SUPT3H: variants seen among roughly 807,000 people sequenced by gnomAD.
The protein encoded by SUPT3H is transcription initiation protein SPT3 homolog.
A neutral mutation model predicts 44.3 loss-of-function variants in SUPT3H; 44 were observed. The observed-to-expected ratio is 0.99, with a 90% CI of 0.78 to 1.28. The LOEUF (loss-of-function observed/expected upper bound fraction) is 1.28, where lower values mean the gene tolerates loss of function less well. Ranked by LOEUF, SUPT3H falls within the 50% of genes most tolerant of loss-of-function variation. The probability of loss-of-function intolerance (pLI) is 0.00; values close to 1 mark genes in which losing one functional copy is unlikely to be tolerated. For synonymous variants in SUPT3H, 124 were observed against 125.6 expected, an observed-to-expected ratio of 0.99 and a Z score of 0.09; for missense variants, 380 against 387.1, an observed-to-expected ratio of 0.98 and a Z score of 0.15.
chr6:45,290,455 T>TTTA (rs67882992), intron 2 of SUPT3H, among the ~76,000 whole-genome samples: 1 of 85,946 alleles, frequency 1.2e-5, no homozygotes, highest in Non-Finnish European at 2.2e-5. Context: ...GCATGGATGA[T>TTTA]CAAAAAAAAA....
At chr6:45,118,959 G>A (rs1325016780) in intron 2 of SUPT3H, among the ~76,000 whole-genome samples, 1 of 152,144 alleles carries the variant, frequency 6.6e-6, no homozygotes, top group Non-Finnish European at 1.5e-5. Context: ...TAATCTGCTG[G>A]AAAATTAGAG....
At chr6:44,928,617 C>T (rs1769912879) in intron 10 of SUPT3H, among the ~76,000 whole-genome samples, 1 of 151,990 alleles carries the variant, frequency 6.6e-6, no homozygotes, top group East Asian at 1.9e-4. Flanking sequence ...AAACAAGGGC[C>T]GGGCGCGGTG....
rs541453322 is a variant in SUPT3H at position 45,156,567 on chromosome 6, ATAAT to A, written c.102-50565_102-50562del. ...ATATATTTTCTGTTCTAATACTAAT[ATAAT>A]TAATATAATTTCAATAAATTTCTGG... On this transcript the variant is annotated intron_variant, in intron 2 of 10. Transcript: ENST00000371459. 6.2e-3 allele frequency among the ~76,000 whole-genome samples: 940 copies of A among 151,434 alleles called. 14 individuals are homozygous for A. The highest frequency in any genetic ancestry group is 0.021 in the African/African-American group (877 of 41,456).
At chr6:44,896,427 A>G (rs1764143395) in intron 10 of SUPT3H, among the ~76,000 whole-genome samples, 1 of 152,184 alleles carries the variant, frequency 6.6e-6, no homozygotes, top group Non-Finnish European at 1.5e-5. Flanking sequence ...TATTGGTCAC[A>G]TTTTCTACAT....
intron 2 of SUPT3H, among the ~76,000 whole-genome samples, chr6:45,251,555 A>T (rs1412705832): frequency 1.3e-5 from 2 of 152,162 alleles, no homozygotes; most frequent in Non-Finnish European, 2.9e-5. Context: ...TAGTCACAGA[A>T]TTCTTAAGTC....
At chr6:44,933,485 C>G (rs1398195790) in intron 9 of SUPT3H, among the ~76,000 whole-genome samples, 1 of 152,064 alleles carries the variant, frequency 6.6e-6, no homozygotes, top group African/African-American at 2.4e-5. Flanking sequence ...GGGTTTAGCC[C>G]TACAAGTTAC....
chr6:45,213,793 A>G (rs1248854970), intron 2 of SUPT3H, among the ~76,000 whole-genome samples: 1 of 152,070 alleles, frequency 6.6e-6, no homozygotes, highest in Non-Finnish European at 1.5e-5. Context: ...AAATTATTCC[A>G]AATTTTGAAT....
In SUPT3H at chr6:45,128,539, T is replaced by C. The variant is rs1407687091; in HGVS notation, c.102-22533A>G. ...AAAAAAAAAAAAAAAAAAAAATATATATATATATATATATATATACACACA... is the reference window on the plus strand; with the variant it reads ...AAAAAAAAAAAAAAAAAAAAATATACATATATATATATATATATACACACA... On this transcript the variant is annotated intron_variant, in intron 2 of 10. Coordinates refer to ENST00000371459, the MANE Select transcript of SUPT3H (RefSeq NM_003599.4). Among the ~76,000 whole-genome samples the C allele has an allele frequency of 5.8e-3, 265 of 45,382 alleles. 3 individuals are homozygous for C. Among genetic ancestry groups the C allele is most frequent in the African/African-American group, 0.03 (253 of 8,516 alleles). The allele number at this position is 45,382 out of a possible 152,430, so 29.8% of individuals were successfully genotyped here.
chr6:45,097,799 G>T (rs929281256), intron 3 of SUPT3H: 2 of 152,172 alleles, frequency 1.3e-5, no homozygotes. Flanking sequence ...GTCTGCCCTT[G>T]TATCTTCTTC....
intron 2 of SUPT3H, among the ~76,000 whole-genome samples, chr6:45,356,509 T>C (rs1333232746): frequency 1.3e-5 from 2 of 152,058 alleles, no homozygotes; most frequent in Non-Finnish European, 2.9e-5. Context: ...GCAATTCTCC[T>C]GCCTCAGCCT....
intron 2 of SUPT3H, among the ~76,000 whole-genome samples, chr6:45,287,893 T>C (rs1449148776): frequency 2.0e-5 from 3 of 152,232 alleles, no homozygotes; most frequent in African/African-American, 7.2e-5. Flanking sequence ...CCACACTTAG[T>C]TCTTCGTGTT....
At chr6:45,027,190 C>A (rs1480677921) in intron 3 of SUPT3H, among the ~76,000 whole-genome samples, 1 of 151,844 alleles carries the variant, frequency 6.6e-6, no homozygotes, top group Non-Finnish European at 1.5e-5. Context: ...AGGGTTCTGC[C>A]ACGTTGACCA....
chr6:45,188,628 T>C (rs1814638968), intron 2 of SUPT3H, among the ~76,000 whole-genome samples: 1 of 152,180 alleles, frequency 6.6e-6, no homozygotes. Flanking sequence ...GTTACAACAT[T>C]TGTAAATCAA....
At chr6:44,837,560 G>A (rs1423380076) in intron 10 of SUPT3H, among the ~76,000 whole-genome samples, 1 of 152,174 alleles carries the variant, frequency 6.6e-6, no homozygotes, top group Non-Finnish European at 1.5e-5. Context: ...GACCTTGATA[G>A]CCCAACCACT....
At chr6:44,912,713 A>C (rs972290008) in intron 10 of SUPT3H, among the ~76,000 whole-genome samples, 8 of 152,186 alleles carry the variant, frequency 5.3e-5, no homozygotes, top group African/African-American at 1.2e-4. Context: ...AATGATGTGA[A>C]GTTTAACACT....
intron 3 of SUPT3H, among the ~76,000 whole-genome samples, chr6:45,077,630 A>AAAAAAAAAAAG (rs1795182905): frequency 1.2e-5 from 1 of 83,836 alleles, no homozygotes; most frequent in African/African-American, 6.8e-5. Flanking sequence ...TTGTTTCAAA[A>AAAAAAAAAAAG]AAAAAAAAAA....
chr6:45,354,761 A>G (rs1792810617), intron 2 of SUPT3H, among the ~76,000 whole-genome samples: 2 of 152,088 alleles, frequency 1.3e-5, no homozygotes, highest in Admixed American at 1.3e-4. Context: ...GTACTTTGGG[A>G]GGCTGAGGCA....
At chr6:44,834,796 G>T (rs1033714694) in intron 10 of SUPT3H, among the ~76,000 whole-genome samples, 1 of 152,114 alleles carries the variant, frequency 6.6e-6, no homozygotes, top group Admixed American at 6.5e-5. Context: ...TGCAGGGAAA[G>T]AAACAGTTTT....
chr6:45,138,357 A>T (rs1804644570), intron 2 of SUPT3H, among the ~76,000 whole-genome samples: 1 of 152,180 alleles, frequency 6.6e-6, no homozygotes, highest in African/African-American at 2.4e-5. Flanking sequence ...CACTCCCAGC[A>T]ATCCATCCAA....
Sources: gnomAD v4.1 joint callset for allele counts (sites outside exome capture counted in the v4.1 genomes callset) on GRCh38, gnomAD v4.1.1 for gene constraint, MANE v1.5 for transcripts, NCBI Gene and HGNC (gene_info 2026-07-23, HGNC 2026-07-21) for gene names.